RUFY4: variants seen among roughly 807,000 people sequenced by gnomAD.
The protein encoded by RUFY4 is RUN and FYVE domain containing 4.
A neutral mutation model predicts 69.0 loss-of-function variants in RUFY4; 73 were observed. The observed-to-expected ratio is 1.06, with a 90% CI of 0.88 to 1.29. The LOEUF is 1.29. RUFY4 is among the 50% of genes most tolerant of loss of function. RUFY4 has a pLI of 0.00. For missense variants in RUFY4, 770 were observed against 705.6 expected (o/e 1.09, Z -1.03); for synonymous variants, 287 against 271.8 (o/e 1.06, Z -0.55).
chr2:218,038,330 G>C (rs1178053053), intron 2 of RUFY4, among the ~76,000 whole-genome samples: 2 of 152,116 alleles, frequency 1.3e-5, no homozygotes, highest in African/African-American at 4.8e-5. Flanking sequence ...TCTTATTTGT[G>C]TTTATTATGA....
chr2:218,062,216 G>A (rs539475371), intron 3 of RUFY4, among the ~76,000 whole-genome samples: 4 of 152,148 alleles, frequency 2.6e-5, no homozygotes, highest in South Asian at 4.1e-4. Context: ...TGGCTAACAT[G>A]GTGAAACCCC....
intron 8 of RUFY4, 124 bp downstream of exon 10, chr2:218,076,657 C>T (rs1553634761): frequency 1.4e-6 from 2 of 1,434,218 alleles, no homozygotes; most frequent in African/African-American, 3.0e-5. Context: ...ACTGGGCACA[C>T]CTTTGGGATC....
chr2:218,046,051 C>T (rs894664241), intron 2 of RUFY4, among the ~76,000 whole-genome samples: 11 of 151,964 alleles, frequency 7.2e-5, no homozygotes, highest in African/African-American at 2.7e-4. Flanking sequence ...GTGATCCGCC[C>T]GCCTCGGCCT....
At chr2:218,073,341 A>G in exon 5 of RUFY4, 1 of 1,586,258 alleles carries the variant, frequency 6.3e-7, no homozygotes, top group Non-Finnish European at 8.6e-7. Context: ...TTCGAGTTGG[A>G]CCTCCAGCAG....
exon 11 of RUFY4, chr2:218,090,398 C>G: frequency 4.0e-6 from 1 of 250,968 alleles, no homozygotes; most frequent in South Asian, 5.3e-5. Flanking sequence ...CTCCTCCACA[C>G]TCCCCACTCA....
chr2:218,071,279 T>C (rs929773843), intron 2 of RUFY4, among the ~76,000 whole-genome samples: 4 of 152,110 alleles, frequency 2.6e-5, no homozygotes, highest in African/African-American at 9.7e-5. Context: ...AGACGCTTGA[T>C]GTCCACCCCC....
intron 4 of RUFY4, 77 bp from the exon 7 acceptor site, chr2:218,073,166 C>T (rs1317814417): frequency 2.9e-6 from 4 of 1,371,024 alleles, no homozygotes; most frequent in Non-Finnish European, 3.8e-6. Flanking sequence ...TGAGGTTGAG[C>T]TGGGGTGGGG....
At chr2:218,083,352 C>A in intron 9 of RUFY4, 96 bp downstream of exon 11, 1 of 1,461,172 alleles carries the variant, frequency 6.8e-7, no homozygotes, top group Admixed American at 2.3e-5. Flanking sequence ...TCACAACTCC[C>A]AAGCAGGGTT....
chr2:218,053,796 C>T (rs547889503), intron 2 of RUFY4, among the ~76,000 whole-genome samples: 1 of 152,252 alleles, frequency 6.6e-6, no homozygotes, highest in Non-Finnish European at 1.5e-5. Flanking sequence ...CCGCGCCCAG[C>T]CGCACCCGGC....
intron 8 of RUFY4, among the ~76,000 whole-genome samples, chr2:218,078,992 C>G (rs1389065643): frequency 2.0e-5 from 3 of 152,168 alleles, no homozygotes; most frequent in African/African-American, 7.2e-5. Flanking sequence ...CTCAGCCTCC[C>G]GAGTAGCTGG....
chr2:218,072,793 G>A (rs1689521212), exon 4 of RUFY4: 8 of 1,531,924 alleles, frequency 5.2e-6, no homozygotes, highest in Non-Finnish European at 7.0e-6. Flanking sequence ...AGACCCCTCT[G>A]GGGAAAGGCC....
chr2:218,049,089 TG>T (rs1471918368), intron 2 of RUFY4, among the ~76,000 whole-genome samples: 3 of 152,234 alleles, frequency 2.0e-5, no homozygotes, highest in African/African-American at 7.2e-5. Flanking sequence ...CTGTACTGGC[TG>T]GGGCACTACT....
intron 8 of RUFY4, among the ~76,000 whole-genome samples, chr2:218,082,646 C>T (rs890988862): frequency 5.3e-5 from 8 of 151,906 alleles, no homozygotes; most frequent in Middle Eastern, 3.4e-3. Context: ...ACATTGTGTG[C>T]ATGTTGTGTT....
At chr2:218,052,382 C>T (rs867079941) in intron 2 of RUFY4, among the ~76,000 whole-genome samples, 4 of 152,110 alleles carry the variant, frequency 2.6e-5, no homozygotes, top group Admixed American at 6.5e-5. Flanking sequence ...CCATGCATTC[C>T]GTTGCCCAAG....
At chr2:218,072,525 G>A (rs1477121374) in intron 3 of RUFY4, 26 bp downstream of exon 5, 2 of 1,535,596 alleles carry the variant, frequency 1.3e-6, no homozygotes, top group Admixed American at 2.0e-5. Context: ...CAGCAAGAAG[G>A]CTGACGGGGT....
intron 9 of RUFY4, among the ~76,000 whole-genome samples, chr2:218,086,049 C>T (rs1041130021): frequency 2.0e-5 from 3 of 151,956 alleles, no homozygotes; most frequent in African/African-American, 7.3e-5. Context: ...AAGCAGCTGT[C>T]AAAAGATGAA....
At chr2:218,070,627 C>A in exon 1 of RUFY4, 6 of 1,537,612 alleles carry the variant, frequency 3.9e-6, no homozygotes, top group Non-Finnish European at 5.2e-6. Flanking sequence ...GGGAGCCATC[C>A]TCAAGGTCAC....
intron 2 of RUFY4, among the ~76,000 whole-genome samples, chr2:218,051,571 A>T (rs1003094786): frequency 3.5e-4 from 19 of 54,084 alleles, no homozygotes; most frequent in Non-Finnish European, 5.5e-4. Flanking sequence ...AATATTTTAA[A>T]AAAAAAAAAA....
At chr2:218,074,986 C>A (rs1689588016) in intron 6 of RUFY4, 107 bp from the exon 9 acceptor site, 3 of 1,198,362 alleles carry the variant, frequency 2.5e-6, no homozygotes, top group Admixed American at 2.9e-5. Context: ...GACCTGGTAC[C>A]TATCTATTTA....
Sources: gnomAD v4.1 joint callset for allele counts (sites outside exome capture counted in the v4.1 genomes callset) on GRCh38, gnomAD v4.1.1 for gene constraint, MANE v1.5 for transcripts, NCBI Gene and HGNC (gene_info 2026-07-23, HGNC 2026-07-21) for gene names.